Variants in CC2D2B observed in about 807,000 individuals in gnomAD.
CC2D2B encodes coiled-coil and C2 domain containing 2B, also known as protein CC2D2B.
In CC2D2B, 128 loss-of-function variants were observed where a neutral mutation model predicts 161.2. The observed-to-expected ratio is 0.79, with a 90% CI of 0.69 to 0.92. The LOEUF is 0.92. Among genes scored for constraint, CC2D2B ranks in the 40% least tolerant of loss-of-function variants. CC2D2B has a pLI of 0.00. For synonymous variants in CC2D2B, 391 were observed against 449.8 expected (o/e 0.87, Z 1.65); for missense variants, 1,173 against 1,375.1 (o/e 0.85, Z 2.32).
At chr10:95,922,564 C>T (rs1566315411) in intron 3 of CC2D2B, among the ~76,000 whole-genome samples, 1 of 152,144 alleles carries the variant, frequency 6.6e-6, no homozygotes, top group African/African-American at 2.4e-5. Context: ...TTCTCATGAC[C>T]TATAGTTAGT....
chr10:95,937,945 T>C (rs1464603101), intron 6 of CC2D2B, 46 bp from the exon 7 acceptor site: 8 of 1,132,232 alleles, frequency 7.1e-6, no homozygotes, highest in Admixed American at 2.1e-5. Flanking sequence ...ATATTAATCA[T>C]TGGAGACAAG....
At position 95,961,979 on chromosome 10, in the gene CC2D2B, T is replaced by C; in HGVS notation, c.1250+10T>C. On this transcript the variant is annotated intron_variant, in intron 12 of 34. Transcript: ENST00000646931. ...AGTTACAGGTTCAGAGGTAAGTGGC[T>C]GCTCTATTTGCTCTTATTGGTCTCC... The C allele has an allele frequency of 8.1e-7, 1 of 1,231,322 alleles. No homozygotes were observed. Among genetic ancestry groups the C allele is most frequent in the Admixed American group, 4.2e-5 (1 of 23,698 alleles). The allele number at this position is 1,231,322 out of a possible 1,614,324, so 76.3% of individuals were successfully genotyped here.
At chr10:95,947,113 A>ATATATATATT (rs1289243570) in intron 9 of CC2D2B, among the ~76,000 whole-genome samples, 9 of 48,384 alleles carry the variant, frequency 1.9e-4, no homozygotes, top group African/African-American at 3.7e-4. Flanking sequence ...ATATATATAT[A>ATATATATATT]TTTTTTTTTT....
At chr10:95,932,575 G>T (rs931884648) in intron 6 of CC2D2B, among the ~76,000 whole-genome samples, 5 of 152,112 alleles carry the variant, frequency 3.3e-5, no homozygotes, top group African/African-American at 9.7e-5. Context: ...GTCAGGCCTG[G>T]TGGTAACAAA....
chr10:96,016,360 C>T, intron 30 of CC2D2B, 46 bp downstream of exon 30: 1 of 1,270,562 alleles, frequency 7.9e-7, no homozygotes, highest in Non-Finnish European at 1.1e-6. Context: ...AAAAGGAAAT[C>T]AGATTTCAGC....
intron 3 of CC2D2B, among the ~76,000 whole-genome samples, chr10:95,923,041 C>T (rs1325287895): frequency 2.0e-5 from 3 of 152,000 alleles, no homozygotes; most frequent in African/African-American, 7.3e-5. Flanking sequence ...CAACCTCCAC[C>T]TCCCGGGTTC....
chr10:95,925,628 G>A, intron 5 of CC2D2B, among the ~76,000 whole-genome samples: 1 of 152,326 alleles, frequency 6.6e-6, no homozygotes, highest in Non-Finnish European at 1.5e-5. Context: ...AAGCTAAGTA[G>A]CTGTAACAAA....
At chr10:95,954,762 G>T (rs1222753267) in intron 10 of CC2D2B, among the ~76,000 whole-genome samples, 1 of 152,042 alleles carries the variant, frequency 6.6e-6, no homozygotes, top group Admixed American at 6.6e-5. Context: ...AGGTCTTCTT[G>T]TATGTCTTCC....
intron 11 of CC2D2B, among the ~76,000 whole-genome samples, chr10:95,957,814 G>T (rs918878053): frequency 1.3e-5 from 2 of 150,850 alleles, no homozygotes; most frequent in Non-Finnish European, 2.9e-5. Flanking sequence ...ACCTGCCTTG[G>T]CCTCCCAAAT....
chr10:96,029,369 T>C (rs1463630117), intron 34 of CC2D2B, among the ~76,000 whole-genome samples: 2 of 149,276 alleles, frequency 1.3e-5, no homozygotes, highest in East Asian at 3.9e-4. Context: ...CATTTACTTA[T>C]AAACCAAGAA....
At chr10:95,997,193 T>C (rs114273335) in intron 24 of CC2D2B, among the ~76,000 whole-genome samples, 258 of 152,362 alleles carry the variant, frequency 1.7e-3, no homozygotes, top group African/African-American at 5.9e-3. Context: ...TATTTCTATA[T>C]TGTATTCTGT....
chr10:95,947,728 A>T (rs1214761384), intron 9 of CC2D2B, among the ~76,000 whole-genome samples: 1 of 151,952 alleles, frequency 6.6e-6, no homozygotes, highest in African/African-American at 2.4e-5. Flanking sequence ...CAGCCTGGTG[A>T]CACAGTGAGA....
chr10:95,977,553 A>AT (rs1452575142), intron 17 of CC2D2B, among the ~76,000 whole-genome samples: 1 of 152,162 alleles, frequency 6.6e-6, no homozygotes, highest in Non-Finnish European at 1.5e-5. Context: ...CTTATTTCTT[A>AT]TTTCCCATCC....
intron 3 of CC2D2B, among the ~76,000 whole-genome samples, chr10:95,923,172 G>A (rs1300843886): frequency 6.6e-6 from 1 of 152,042 alleles, no homozygotes; most frequent in Non-Finnish European, 1.5e-5. Flanking sequence ...GGCTGGTCTC[G>A]AACTCCTGAC....
chr10:95,966,550 G>C lies in CC2D2B; in HGVS notation c.1466+248G>C, dbSNP rs565459626. ...CACACATCTAATACATGCCTGAGGT[G>C]GGACATAAACCAGTTTGGTGTTCTA... On this transcript the variant is annotated intron_variant, in intron 14 of 34. Transcript: ENST00000646931. Among the ~76,000 whole-genome samples, 5 of 152,084 alleles carry C rather than the reference G, an allele frequency of 3.3e-5. No homozygotes were observed. The East Asian group carries it at 7.7e-4, about 23-fold the overall frequency.
At chr10:95,938,491 G>C (rs2075907653) in intron 7 of CC2D2B, 78 bp from the exon 8 acceptor site, 5 of 622,508 alleles carry the variant, frequency 8.0e-6, no homozygotes, top group Admixed American at 3.0e-5. Flanking sequence ...AATTATAGTT[G>C]TTTGTACTAC....
At chr10:95,908,459 G>C (rs2098500007) in intron 1 of CC2D2B, among the ~76,000 whole-genome samples, 1 of 152,204 alleles carries the variant, frequency 6.6e-6, no homozygotes, top group African/African-American at 2.4e-5. Flanking sequence ...AAGAGACAGA[G>C]TTAGAAAAAA....
chr10:95,907,888 GGCCAGGGGCGGCAGCGC>G (rs2098498793), upstream of CC2D2B: 1 of 152,300 alleles, frequency 6.6e-6, no homozygotes, highest in Non-Finnish European at 1.5e-5. Context: ...GGTCCTGGCA[GGCCAGGGGCGGCAGCGC>G]GCATGCTCCT....
At position 96,019,750 on chromosome 10, in the gene CC2D2B, G is replaced by C; in HGVS notation, c.3814G>C (p.Asp1272His). ...TAATACACCAATGGCTGTATTTTTT[G>C]ACTATTCAAAGGAAAGTTTCTGGAA... ...QNNTPMAVFF[D>H]YSKESFWKQL... The change falls in exon 32 of 35, where the codon GAC (aspartate) becomes CAC (histidine). Residue 1272 changes from aspartate (D) to histidine (H), a missense_variant. By Grantham distance (81) the Asp-to-His change is moderately conservative. This residue lies in a region of CC2D2B where 598 missense variants were observed against 693.2 expected (regional missense o/e 0.86). Coordinates refer to ENST00000646931, the MANE Select transcript of CC2D2B (RefSeq NM_001349008.3). 6.2e-7 allele frequency: 1 copy of C among 1,600,494 alleles called. No individual in the cohort carries two copies. The highest frequency in any genetic ancestry group is 8.5e-7 in the Non-Finnish European group (1 of 1,175,702).
Sources: gnomAD v4.1 joint callset for allele counts (sites outside exome capture counted in the v4.1 genomes callset) on GRCh38, gnomAD v4.1.1 for gene constraint, gnomAD v4.1.1 regional missense constraint, MANE v1.5 for transcripts, NCBI Gene and HGNC (gene_info 2026-07-23, HGNC 2026-07-21) for gene names.